The following MET variants were observed in gnomAD, a reference collection of about 807,000 sequenced individuals.
MET encodes the protein MET proto-oncogene, receptor tyrosine kinase.
A neutral mutation model predicts 133.1 loss-of-function variants in MET; 48 were observed. That is an observed-to-expected ratio of 0.36 (90% CI 0.29 to 0.46). The LOEUF (loss-of-function observed/expected upper bound fraction) is 0.46. Ranked by LOEUF, MET falls within the 20% of genes least tolerant of loss-of-function variation. The pLI is 1.00. For synonymous variants in MET, 628 were observed against 616.5 expected (o/e 1.02, Z -0.28); for missense variants, 1,442 against 1,695.9 (o/e 0.85, Z 2.63).
intron 2 of MET, among the ~76,000 whole-genome samples, chr7:116,729,347 C>G (rs534424133): frequency 6.6e-6 from 1 of 152,028 alleles, no homozygotes; most frequent in Non-Finnish European, 1.5e-5. Context: ...ATGAAGAAAT[C>G]GTTGTTGATA....
At position 116,797,604 on chromosome 7, in the gene MET, A is replaced by G. The variant is rs1795716043; in HGVS notation, c.*1480A>G. On this transcript the variant is annotated 3_prime_UTR_variant, in exon 21 of 21. Coordinates refer to ENST00000397752, the MANE Select transcript of MET (RefSeq NM_000245.4). ...TTACTCTAACTGGTTTTGTCGACGT[A>G]AACATTTAAAGTGTTATATTTTTTA... The G allele has an allele frequency of 4.4e-6, 1 of 225,782 alleles. No individual in the cohort carries two copies. The highest frequency in any genetic ancestry group is 2.2e-5 in the African/African-American group (1 of 44,912). The allele number at this position is 225,782 out of a possible 1,614,324, so 14.0% of individuals were successfully genotyped here.
chr7:116,685,457 A>G (rs1196049497), intron 1 of MET, among the ~76,000 whole-genome samples: 1 of 151,986 alleles, frequency 6.6e-6, no homozygotes, highest in Non-Finnish European at 1.5e-5. Context: ...GCGGGTGGAT[A>G]GTGAGGCGGG....
At chr7:116,707,413 T>C (rs1177112883) in intron 2 of MET, among the ~76,000 whole-genome samples, 3 of 152,130 alleles carry the variant, frequency 2.0e-5, no homozygotes, top group Non-Finnish European at 2.9e-5. Flanking sequence ...AATCGTGCCC[T>C]AGATAAAAGG....
At chr7:116,738,189 G>GT (rs935784541) in intron 3 of MET, among the ~76,000 whole-genome samples, 56 of 152,224 alleles carry the variant, frequency 3.7e-4, no homozygotes, top group African/African-American at 3.4e-4. Context: ...TTTTTGTTTT[G>GT]TTTTTTGTTT....
At chr7:116,754,925 AAGAAAGAAAGAAAGAAAGAAAGAAAG>A (rs1457433423) in intron 5 of MET, among the ~76,000 whole-genome samples, 2 of 148,334 alleles carry the variant, frequency 1.3e-5, no homozygotes, top group Non-Finnish European at 3.0e-5. Context: ...GAAAGAAAGA[AAGAAAGAAAGAAAGAAAGAAAGAAAG>A]AGAAAGAAAG....
At chr7:116,760,171 T>G (rs1016128674) in intron 10 of MET, among the ~76,000 whole-genome samples, 3 of 152,178 alleles carry the variant, frequency 2.0e-5, no homozygotes, top group Admixed American at 2.0e-4. Flanking sequence ...ACCCTTTTGC[T>G]CTAATAAAAT....
At chr7:116,767,724 G>T (rs1238960867) in intron 11 of MET, among the ~76,000 whole-genome samples, 1 of 151,272 alleles carries the variant, frequency 6.6e-6, no homozygotes, top group Admixed American at 6.6e-5. Flanking sequence ...GCAGTTGAAT[G>T]ACTTTTATTT....
chr7:116,690,548 T>G (rs1176194687), intron 1 of MET, among the ~76,000 whole-genome samples: 2 of 152,246 alleles, frequency 1.3e-5, no homozygotes, highest in African/African-American at 4.8e-5. Context: ...AGGTAGTGTC[T>G]GGCTACGATA....
In MET at chr7:116,796,369, A is replaced by T. The variant is rs2117115557; in HGVS notation, c.*245A>T. 1 of 541,332 alleles carries T rather than the reference A, an allele frequency of 1.8e-6. No individual in the cohort carries two copies. Among genetic ancestry groups the T allele is most frequent in the Middle Eastern group, 4.9e-4 (1 of 2,034 alleles). 33.5% of individuals were successfully genotyped at this position (541,332 alleles called of 1,614,324 possible). On this transcript the variant is annotated 3_prime_UTR_variant, in exon 21 of 21. Coordinates refer to ENST00000397752, the MANE Select transcript of MET (RefSeq NM_000245.4). The stretch of plus-strand genomic sequence containing the variant: ...CGTGACAACACTCCTGTCATATTGG[A>T]GTCCAAAACTTGAATTCTGGGTTGA...
intron 2 of MET, among the ~76,000 whole-genome samples, chr7:116,705,301 A>T (rs906824291): frequency 6.6e-6 from 1 of 151,982 alleles, no homozygotes; most frequent in African/African-American, 2.4e-5. Context: ...ATTTAATAAA[A>T]TAAACAAAGA....
chr7:116,776,913 C>T (rs921286355), intron 15 of MET, among the ~76,000 whole-genome samples: 2 of 152,186 alleles, frequency 1.3e-5, no homozygotes, highest in Admixed American at 6.5e-5. Flanking sequence ...TTCTATAATA[C>T]TAATCCTATT....
At chr7:116,740,287 T>C (rs1174803860) in intron 4 of MET, among the ~76,000 whole-genome samples, 4 of 152,204 alleles carry the variant, frequency 2.6e-5, no homozygotes, top group African/African-American at 7.2e-5. Context: ...AGGGAGGTCT[T>C]TTTCAAAACT....
At chr7:116,742,573 A>G (rs1378330960) in intron 5 of MET, among the ~76,000 whole-genome samples, 1 of 152,262 alleles carries the variant, frequency 6.6e-6, no homozygotes, top group Non-Finnish European at 1.5e-5. Flanking sequence ...AAATGGTTTG[A>G]TAACCTGTAC....
At chr7:116,705,783 G>A (rs1426713575) in intron 2 of MET, among the ~76,000 whole-genome samples, 1 of 151,906 alleles carries the variant, frequency 6.6e-6, no homozygotes, top group Non-Finnish European at 1.5e-5. Context: ...TAGGCTCAGG[G>A]AGTCACTGCT....
At chr7:116,692,490 T>A (rs1367989115) in intron 1 of MET, among the ~76,000 whole-genome samples, 2 of 152,186 alleles carry the variant, frequency 1.3e-5, no homozygotes, top group African/African-American at 4.8e-5. Context: ...ACAGTCATAG[T>A]GTTGACAATT....
chr7:116,756,196 T>C (rs1794171230), intron 6 of MET, among the ~76,000 whole-genome samples: 1 of 152,194 alleles, frequency 6.6e-6, no homozygotes, highest in Non-Finnish European at 1.5e-5. Context: ...CATCTTCTGA[T>C]CCAAGACCCG....
intron 2 of MET, among the ~76,000 whole-genome samples, chr7:116,716,531 AAGAAAG>A (rs1363908236): frequency 2.0e-5 from 3 of 150,604 alleles, no homozygotes; most frequent in Admixed American, 6.6e-5. Flanking sequence ...GAAAGAAAGA[AAGAAAG>A]AAGATATGAA....
At chr7:116,706,165 G>A (rs920585471) in intron 2 of MET, among the ~76,000 whole-genome samples, 6 of 152,130 alleles carry the variant, frequency 3.9e-5, no homozygotes, top group Admixed American at 3.9e-4. Flanking sequence ...ATTAATTCAT[G>A]ATATGATTGA....
At chr7:116,738,661 G>A (rs1448783324) in intron 3 of MET, among the ~76,000 whole-genome samples, 3 of 152,128 alleles carry the variant, frequency 2.0e-5, no homozygotes, top group Non-Finnish European at 4.4e-5. Context: ...TGTGAGCTTG[G>A]TTAGTTTCTC....
Sources: gnomAD v4.1 joint callset for allele counts (sites outside exome capture counted in the v4.1 genomes callset) on GRCh38, gnomAD v4.1.1 for gene constraint, MANE v1.5 for transcripts, NCBI Gene and HGNC (gene_info 2026-07-23, HGNC 2026-07-21) for gene names.